The following NAA25 variants were observed in gnomAD, a reference collection of about 807,000 sequenced individuals.
The protein encoded by NAA25 is N-terminal acetyltransferase B complex subunit NAA25.
Under a neutral mutation model 132.5 loss-of-function variants are expected in NAA25, and 30 were observed. The observed-to-expected ratio is 0.23, with a 90% CI of 0.17 to 0.31. The LOEUF is 0.31. NAA25 is among the 10% of genes least tolerant of loss of function. The pLI is 1.00. For missense variants in NAA25, 771 were observed against 1,150.4 expected (o/e 0.67, Z 4.77); for synonymous variants, 359 against 401.9 (o/e 0.89, Z 1.28).
In NAA25 at chr12:112,077,827, A is replaced by T. The variant is rs559128107; in HGVS notation, c.664+361T>A. On this transcript the variant is annotated intron_variant, in intron 7 of 23. Coordinates refer to ENST00000261745, the MANE Select transcript of NAA25 (RefSeq NM_024953.4). ...TTTTTTTAAATAAAAACATTGTGCT[A>T]ACTGAATAAGATTATTCTATGAGCC... Among the ~76,000 whole-genome samples, 6 of 152,144 alleles carry T rather than the reference A, an allele frequency of 3.9e-5. No homozygotes were observed. In the South Asian group the frequency reaches 1.2e-3, roughly 31 times the overall value.
At chr12:112,066,670 C>T (rs371769563) in intron 11 of NAA25, among the ~76,000 whole-genome samples, 2 of 152,154 alleles carry the variant, frequency 1.3e-5, no homozygotes, top group African/African-American at 4.8e-5. Context: ...ACAATTTATC[C>T]AGAAACTTCT....
intron 23 of NAA25, among the ~76,000 whole-genome samples, chr12:112,030,887 G>A (rs536525779): frequency 1.3e-5 from 2 of 152,032 alleles, no homozygotes; most frequent in Non-Finnish European, 2.9e-5. Flanking sequence ...TAATGAACAA[G>A]ATTGATCCAC....
chr12:112,087,649 T>A, intron 4 of NAA25, 34 bp downstream of exon 4: 1 of 1,452,772 alleles, frequency 6.9e-7, no homozygotes, highest in South Asian at 1.2e-5. Flanking sequence ...TAATAGTAAA[T>A]CCCATAGCCC....
At chr12:112,094,240 C>CAAAAAA (rs199734463) in intron 1 of NAA25, among the ~76,000 whole-genome samples, 3 of 69,294 alleles carry the variant, frequency 4.3e-5, no homozygotes, top group Non-Finnish European at 6.4e-5. Flanking sequence ...GACTCTGTCT[C>CAAAAAA]AAAAAAAAAA....
chr12:112,072,836 C>G (rs2078834315), intron 9 of NAA25, among the ~76,000 whole-genome samples: 1 of 151,676 alleles, frequency 6.6e-6, no homozygotes, highest in African/African-American at 2.4e-5. Flanking sequence ...ACTTGGGAGG[C>G]TGATGTGGGA....
At position 112,078,192 on chromosome 12, in the gene NAA25, T is replaced by C; in HGVS notation, c.660A>G (p.Leu220=). 6.3e-7 allele frequency: 1 copy of C among 1,584,380 alleles called. No homozygotes were observed. The highest frequency in any genetic ancestry group is 8.6e-7 in the Non-Finnish European group (1 of 1,165,338). ...AAGAAAATGTTTAAAAATTACCTCC[T>C]AATTTCCCTCTGATGACATCCAAGG... The part of the protein sequence containing the change: ...QEALDVIRGK[L]GEKLTSEIQS... The change falls in exon 7 of 24, where the codon TTA becomes TTG. Residue 220 remains leucine, a synonymous_variant. Transcript: ENST00000261745.
intron 4 of NAA25, 118 bp from the exon 5 acceptor site, chr12:112,081,252 A>G: frequency 1.2e-6 from 1 of 801,304 alleles, no homozygotes; most frequent in East Asian, 2.5e-5. Context: ...TATCCCAGTT[A>G]GTGTAAATTC....
chr12:112,100,313 C>T (rs1812775267), intron 1 of NAA25, among the ~76,000 whole-genome samples: 1 of 152,092 alleles, frequency 6.6e-6, no homozygotes, highest in African/African-American at 2.4e-5. Flanking sequence ...AGGCTCGTAC[C>T]ACCAGGCCTG....
intron 5 of NAA25, among the ~76,000 whole-genome samples, chr12:112,078,985 G>C (rs1176741074): frequency 1.3e-5 from 2 of 152,108 alleles, no homozygotes; most frequent in Non-Finnish European, 2.9e-5. Context: ...TAGCATTTAA[G>C]TCGGTTATTT....
intron 21 of NAA25, chr12:112,040,187 G>A (rs2078282542): frequency 8.6e-6 from 2 of 233,882 alleles, no homozygotes; most frequent in Admixed American, 5.7e-5. Flanking sequence ...ATAATAAAGA[G>A]TGAGTCAGAA....
At chr12:112,104,691 C>G (rs997869113) in intron 1 of NAA25, among the ~76,000 whole-genome samples, 6 of 152,074 alleles carry the variant, frequency 3.9e-5, no homozygotes, top group African/African-American at 1.4e-4. Flanking sequence ...AAAAAATTAA[C>G]CTGGCGTGGT....
At chr12:112,061,584 C>T (rs185277090) in intron 11 of NAA25, among the ~76,000 whole-genome samples, 196 bp from the exon 12 acceptor site, 1 of 152,264 alleles carries the variant, frequency 6.6e-6, no homozygotes, top group East Asian at 1.9e-4. Context: ...ACTGGTGAAG[C>T]TCCAATGAAA....
At chr12:112,041,128 C>A (rs77073016) in intron 20 of NAA25, among the ~76,000 whole-genome samples, 2,326 of 150,484 alleles carry the variant, frequency 0.015, 72 homozygotes, top group African/African-American at 0.054. Context: ...CCATCCTGAG[C>A]AACACAACAA....
rs1425448343 is a variant in NAA25 at position 112,037,283 on chromosome 12, T to C, written c.2649+1946A>G. On this transcript the variant is annotated intron_variant, in intron 22 of 23. Coordinates refer to ENST00000261745, the MANE Select transcript of NAA25 (RefSeq NM_024953.4). ...CGATATTTTAAAAAATACATATATA[T>C]ATATATATATATATATATATATATA... 7.3e-4 allele frequency among the ~76,000 whole-genome samples: 44 copies of C among 60,646 alleles called. 1 individual carries two copies. Among genetic ancestry groups the C allele is most frequent in the African/African-American group, 3.5e-3 (34 of 9,708 alleles). The allele number at this position is 60,646 out of a possible 152,430, so 39.8% of individuals were successfully genotyped here.
intron 1 of NAA25, among the ~76,000 whole-genome samples, chr12:112,105,732 ACTGAATCTGAAC>A (rs1212896744): frequency 1.3e-5 from 2 of 152,260 alleles, no homozygotes; most frequent in Admixed American, 6.5e-5. Context: ...CAGTGATGCT[ACTGAATCTGAAC>A]TTGGTGAAGA....
Position 112,093,141 on chromosome 12 carries a change from G to T in NAA25, c.59-5C>A. 1 of 1,536,928 alleles carries T rather than the reference G, an allele frequency of 6.5e-7. No individual in the cohort carries two copies. Among genetic ancestry groups the T allele is most frequent in the South Asian group, 1.1e-5 (1 of 87,874 alleles). Reference sequence around the variant, plus strand: ...TATTACCATTGTCAAGATAATCTATGAAAAAACAAATTATGTGACAGTTAT... The same window carrying T: ...TATTACCATTGTCAAGATAATCTATTAAAAAACAAATTATGTGACAGTTAT... On this transcript the variant is annotated splice_region_variant and splice_polypyrimidine_tract_variant and intron_variant, in intron 1 of 23. Transcript: ENST00000261745.
At chr12:112,108,599 C>T (rs1225922043) in intron 1 of NAA25, 117 bp downstream of exon 1, 1 of 1,118,182 alleles carries the variant, frequency 8.9e-7, no homozygotes. Context: ...CGCGGCCCGC[C>T]CCCCTGCGCC....
chr12:112,052,919 T>C (rs1036643118), intron 15 of NAA25, among the ~76,000 whole-genome samples: 3 of 152,174 alleles, frequency 2.0e-5, no homozygotes, highest in Admixed American at 6.6e-5. Flanking sequence ...TTATAATTGG[T>C]CAACTGAGTA....
intron 13 of NAA25, 55 bp from the exon 14 acceptor site, chr12:112,054,623 C>A: frequency 6.7e-7 from 1 of 1,499,500 alleles, no homozygotes; most frequent in Middle Eastern, 2.3e-4. Context: ...GAAAGCTTCC[C>A]AAAAACAAAA....
Sources: allele counts gnomAD v4.1 joint callset (sites outside exome capture counted in the v4.1 genomes callset), GRCh38; gene constraint gnomAD v4.1.1; transcripts MANE v1.5; gene names NCBI Gene and HGNC (gene_info 2026-07-23, HGNC 2026-07-21).